SCHIP1: variants seen among roughly 807,000 people sequenced by gnomAD.
SCHIP1 encodes schwannomin interacting protein 1, also known as schwannomin-interacting protein 1.
In SCHIP1, 8 loss-of-function variants were observed where a neutral mutation model predicts 29.7. The ratio of observed to expected loss-of-function variants is 0.27; its 90% CI spans 0.16 to 0.49. The LOEUF is 0.49. SCHIP1 is among the 20% of genes least tolerant of loss of function. The pLI is 0.99. For missense variants in SCHIP1, 193 were observed against 294.6 expected, an observed-to-expected ratio of 0.66 and a Z score of 2.52; for synonymous variants, 76 against 94.9, an observed-to-expected ratio of 0.80 and a Z score of 1.16.
At chr3:159,429,491 T>TAATTATCCAATAAA in the SCHIP1 span, among the ~76,000 whole-genome samples, 2 of 152,154 alleles carry the variant, frequency 1.3e-5, no homozygotes, top group African/African-American at 4.8e-5. Flanking sequence ...TTATCCTATT[T>TAATTATCCAATAAA]GTATTTGCCT....
chr3:159,747,578 G>A, the SCHIP1 span, among the ~76,000 whole-genome samples: 4 of 152,122 alleles, frequency 2.6e-5, no homozygotes, highest in African/African-American at 9.7e-5. Flanking sequence ...AAGCAGGGAC[G>A]ACGTGCCCAA....
At chr3:159,675,479 A>G in the SCHIP1 span, among the ~76,000 whole-genome samples, 2 of 152,208 alleles carry the variant, frequency 1.3e-5, no homozygotes, top group African/African-American at 4.8e-5. Context: ...CACTCTAAAA[A>G]TAGTCACCTT....
chr3:159,583,511 C>T, the SCHIP1 span, among the ~76,000 whole-genome samples: 1 of 152,098 alleles, frequency 6.6e-6, no homozygotes, highest in Non-Finnish European at 1.5e-5. Flanking sequence ...GTGGGTTTAA[C>T]TGAAATGGAT....
chr3:159,742,752 C>T, the SCHIP1 span, among the ~76,000 whole-genome samples: 1 of 151,846 alleles, frequency 6.6e-6, no homozygotes, highest in African/African-American at 2.4e-5. Context: ...ACTGCAACCT[C>T]CACCTCCCGG....
At chr3:159,791,253 T>A in the SCHIP1 span, among the ~76,000 whole-genome samples, 1 of 151,914 alleles carries the variant, frequency 6.6e-6, no homozygotes, top group Non-Finnish European at 1.5e-5. Context: ...TAGAAACCAT[T>A]CTAAGAATTT....
chr3:159,876,796 G>T (rs1008615876), intron 2 of SCHIP1, among the ~76,000 whole-genome samples: 1 of 152,190 alleles, frequency 6.6e-6, no homozygotes, highest in Non-Finnish European at 1.5e-5. Flanking sequence ...AAACTTTCCA[G>T]CTCTCCACTT....
chr3:159,620,972 A>G, the SCHIP1 span, among the ~76,000 whole-genome samples: 1 of 152,324 alleles, frequency 6.6e-6, no homozygotes, highest in Non-Finnish European at 1.5e-5. Flanking sequence ...TATTTGCACA[A>G]ATATGTTAAG....
the SCHIP1 span, among the ~76,000 whole-genome samples, chr3:159,814,729 G>C: frequency 6.6e-6 from 1 of 152,208 alleles, no homozygotes; most frequent in Non-Finnish European, 1.5e-5. Context: ...CTCTTCAGCT[G>C]CAGTCCTATG....
At chr3:159,603,160 G>A in the SCHIP1 span, among the ~76,000 whole-genome samples, 67 of 152,204 alleles carry the variant, frequency 4.4e-4, no homozygotes, top group East Asian at 0.013. Flanking sequence ...ATTATAAAGG[G>A]TATTACAAAA....
At chr3:159,893,241 CT>C (rs1717720188) in intron 6 of SCHIP1, 1 of 152,220 alleles carries the variant, frequency 6.6e-6, no homozygotes, top group Admixed American at 6.5e-5. Flanking sequence ...ACGGGCAGCA[CT>C]GTTTTGTATG....
intron 2 of SCHIP1, among the ~76,000 whole-genome samples, chr3:159,884,964 T>C (rs1404764605): frequency 6.6e-6 from 1 of 152,156 alleles, no homozygotes; most frequent in Non-Finnish European, 1.5e-5. Flanking sequence ...AGCTGGGATT[T>C]TCAGTAATTA....
At chr3:159,545,081 C>T in the SCHIP1 span, among the ~76,000 whole-genome samples, 1 of 152,098 alleles carries the variant, frequency 6.6e-6, no homozygotes, top group Non-Finnish European at 1.5e-5. Context: ...GTTGACCCAA[C>T]ACCATGAAGA....
At chr3:159,444,163 G>A in the SCHIP1 span, among the ~76,000 whole-genome samples, 2 of 152,136 alleles carry the variant, frequency 1.3e-5, no homozygotes, top group Non-Finnish European at 2.9e-5. Flanking sequence ...ACAGCTGTGA[G>A]CAAGGGGAGC....
the SCHIP1 span, among the ~76,000 whole-genome samples, chr3:159,530,860 G>A: frequency 6.6e-6 from 1 of 152,142 alleles, no homozygotes; most frequent in Non-Finnish European, 1.5e-5. Context: ...AAATACACAT[G>A]ACCAGGAGGT....
chr3:159,831,800 ATTGT>A, the SCHIP1 span, among the ~76,000 whole-genome samples: 2 of 152,150 alleles, frequency 1.3e-5, no homozygotes, highest in South Asian at 2.1e-4. Flanking sequence ...AAACTTATGA[ATTGT>A]TTATTTCTGG....
At chr3:159,797,281 A>G in the SCHIP1 span, among the ~76,000 whole-genome samples, 5 of 152,198 alleles carry the variant, frequency 3.3e-5, no homozygotes, top group East Asian at 9.6e-4. Context: ...CTCTTAGGTT[A>G]AAATGTGGAG....
At chr3:159,524,353 C>G in the SCHIP1 span, among the ~76,000 whole-genome samples, 1 of 152,198 alleles carries the variant, frequency 6.6e-6, no homozygotes, top group East Asian at 1.9e-4. Flanking sequence ...TCCTTTTCTA[C>G]AGCTCACACC....
At chr3:159,874,867 A>C (rs1048181407) in intron 2 of SCHIP1, among the ~76,000 whole-genome samples, 16 of 152,170 alleles carry the variant, frequency 1.1e-4, no homozygotes, top group African/African-American at 3.9e-4. Context: ...CATGCAACAT[A>C]TCTTTAACAT....
chr3:159,799,412 A>C, the SCHIP1 span, among the ~76,000 whole-genome samples: 75 of 152,386 alleles, frequency 4.9e-4, no homozygotes, highest in Non-Finnish European at 2.8e-4. Context: ...AGAGGATTAC[A>C]AAGAGGATGG....
Sources: gnomAD v4.1 joint callset for allele counts (sites outside exome capture counted in the v4.1 genomes callset) on GRCh38, gnomAD v4.1.1 for gene constraint, MANE v1.5 for transcripts, NCBI Gene and HGNC (gene_info 2026-07-23, HGNC 2026-07-21) for gene names.